LHFPL2: variants seen among roughly 807,000 people sequenced by gnomAD.
The protein encoded by LHFPL2 is LHFPL tetraspan subfamily member 2 protein.
A neutral mutation model predicts 17.5 loss-of-function variants in LHFPL2; 7 were observed. That is an observed-to-expected ratio of 0.40 (90% CI 0.23 to 0.75). The LOEUF (loss-of-function observed/expected upper bound fraction) is 0.75, where lower values mean the gene tolerates loss of function less well. LHFPL2 is among the 30% of genes least tolerant of loss of function. LHFPL2 has a pLI of 0.37. For synonymous variants in LHFPL2, 134 were observed against 116.2 expected, an observed-to-expected ratio of 1.15 and a Z score of -0.99; for missense variants, 241 against 294.8, an observed-to-expected ratio of 0.82 and a Z score of 1.34.
intron 3 of LHFPL2, among the ~76,000 whole-genome samples, chr5:78,536,157 T>TG (rs1446721828): frequency 6.6e-6 from 1 of 150,698 alleles, no homozygotes; most frequent in African/African-American, 2.4e-5. Context: ...CCATGGAGAG[T>TG]GGGGGGATCA....
At chr5:78,505,603 AG>A (rs2112313558) in intron 4 of LHFPL2, among the ~76,000 whole-genome samples, 1 of 152,350 alleles carries the variant, frequency 6.6e-6, no homozygotes, top group East Asian at 1.9e-4. Context: ...CAACACAGGC[AG>A]GCTCTTAAGG....
At chr5:78,576,033 C>T (rs1206124526) in intron 2 of LHFPL2, among the ~76,000 whole-genome samples, 3 of 152,156 alleles carry the variant, frequency 2.0e-5, no homozygotes, top group Non-Finnish European at 4.4e-5. Flanking sequence ...CAGTGGCTCA[C>T]GCCTGTAATC....
At chr5:78,602,831 G>C (rs1471281805) in intron 2 of LHFPL2, among the ~76,000 whole-genome samples, 1 of 152,060 alleles carries the variant, frequency 6.6e-6, no homozygotes, top group Admixed American at 6.6e-5. Context: ...TCACTTCATA[G>C]CAATTATCTT....
intron 3 of LHFPL2, among the ~76,000 whole-genome samples, chr5:78,518,775 T>C (rs917760362): frequency 6.6e-6 from 1 of 152,208 alleles, no homozygotes; most frequent in African/African-American, 2.4e-5. Context: ...TTAAAAAGTC[T>C]GAACTCTTGT....
intron 1 of LHFPL2, among the ~76,000 whole-genome samples, chr5:78,636,940 G>C (rs1346652523): frequency 6.6e-6 from 1 of 152,064 alleles, no homozygotes; most frequent in Non-Finnish European, 1.5e-5. Flanking sequence ...CCCTTCACAA[G>C]CAAGTATCTA....
chr5:78,527,231 TG>T (rs1755644536), intron 3 of LHFPL2, among the ~76,000 whole-genome samples: 1 of 152,140 alleles, frequency 6.6e-6, no homozygotes, highest in African/African-American at 2.4e-5. Context: ...AAGATTAACA[TG>T]GGGCCAAACG....
chr5:78,495,851 G>C (rs2112295752), intron 4 of LHFPL2, among the ~76,000 whole-genome samples: 1 of 152,282 alleles, frequency 6.6e-6, no homozygotes, highest in East Asian at 1.9e-4. Context: ...GCCATGGCTG[G>C]GTTATAGGAG....
At chr5:78,536,030 T>G (rs1272421807) in intron 3 of LHFPL2, among the ~76,000 whole-genome samples, 1 of 152,154 alleles carries the variant, frequency 6.6e-6, no homozygotes, top group African/African-American at 2.4e-5. Flanking sequence ...CTTTCTTCTA[T>G]GAAGACCACC....
In LHFPL2 at chr5:78,612,627, A is replaced by G. The variant is rs552348088; in HGVS notation, c.-245+19637T>C. 2.6e-5 allele frequency among the ~76,000 whole-genome samples: 4 copies of G among 152,380 alleles called. No homozygotes were observed. The East Asian group carries it at 7.7e-4, about 29-fold the overall frequency. ...ATTTGGCTGAAAGAGTAAACTAATA[A>G]GCAGTCAACTACCTACCCATGGCAC... On this transcript the variant is annotated intron_variant, in intron 2 of 4. Transcript: ENST00000380345.
At chr5:78,493,882 TG>T (rs1754526004) in intron 4 of LHFPL2, among the ~76,000 whole-genome samples, 1 of 152,208 alleles carries the variant, frequency 6.6e-6, no homozygotes, top group Non-Finnish European at 1.5e-5. Context: ...CGAAGTTTGC[TG>T]GAGACTTGGA....
intron 3 of LHFPL2, among the ~76,000 whole-genome samples, chr5:78,553,023 T>C (rs748423503): frequency 3.3e-5 from 5 of 152,208 alleles, no homozygotes; most frequent in Non-Finnish European, 7.3e-5. Context: ...GAAATCTGGA[T>C]GTGAGTCAAC....
chr5:78,620,905 C>T (rs1744828596), intron 2 of LHFPL2, among the ~76,000 whole-genome samples: 1 of 151,860 alleles, frequency 6.6e-6, no homozygotes, highest in Non-Finnish European at 1.5e-5. Flanking sequence ...GCCGTGGCTC[C>T]AGTGAAATAT....
intron 2 of LHFPL2, among the ~76,000 whole-genome samples, chr5:78,595,373 AG>A (rs1349842264): frequency 6.6e-6 from 1 of 152,234 alleles, no homozygotes; most frequent in East Asian, 1.9e-4. Context: ...CAGTGCTTAA[AG>A]GCAACCCTCA....
At chr5:78,607,342 A>G (rs1744253858) in intron 2 of LHFPL2, among the ~76,000 whole-genome samples, 1 of 151,958 alleles carries the variant, frequency 6.6e-6, no homozygotes. Context: ...TGAACTCCTG[A>G]CCTCAAGTGA....
intron 2 of LHFPL2, among the ~76,000 whole-genome samples, chr5:78,611,396 T>C (rs1744419067): frequency 6.6e-6 from 1 of 152,222 alleles, no homozygotes; most frequent in Non-Finnish European, 1.5e-5. Context: ...CTCAGTGTCA[T>C]CTTCTGACCC....
chr5:78,643,110 G>A (rs1206574633), intron 1 of LHFPL2, among the ~76,000 whole-genome samples: 1 of 152,118 alleles, frequency 6.6e-6, no homozygotes, highest in Non-Finnish European at 1.5e-5. Context: ...CCTTCGCTCA[G>A]TGCTCAAGAC....
At chr5:78,544,963 G>A (rs1756227208) in intron 3 of LHFPL2, among the ~76,000 whole-genome samples, 1 of 152,042 alleles carries the variant, frequency 6.6e-6, no homozygotes, top group African/African-American at 2.4e-5. Flanking sequence ...GTAATCCCAA[G>A]TGGAGAGTGC....
Position 78,648,619 on chromosome 5 carries a change from GGCGGGAGGAGAGCGAGAGGAGA to G in LHFPL2, c.-492_-471del, listed in dbSNP as rs977415062. The G allele has an allele frequency of 6.6e-6, 1 of 152,228 alleles. No homozygotes were observed. The highest frequency in any genetic ancestry group is 2.4e-5 in the African/African-American group (1 of 41,446). 9.4% of individuals were successfully genotyped at this position (152,228 alleles called of 1,614,324 possible). On this transcript the variant is annotated 5_prime_UTR_variant, in exon 1 of 5. Transcript: ENST00000380345. The surrounding 1 kb of genome is among the most constrained non-coding windows in gnomAD (Gnocchi z 5.4). The stretch of plus-strand genomic sequence containing the variant: ...CCGCTGGCCGCGCCTGGAAGAAGGA[GGCGGGAGGAGAGCGAGAGGAGA>G]GCGGGAGGAGGCGGCGGGAGAGGGG...
chr5:78,562,074 G>A (rs1451955443), intron 3 of LHFPL2, among the ~76,000 whole-genome samples: 2 of 152,186 alleles, frequency 1.3e-5, no homozygotes, highest in African/African-American at 4.8e-5. Flanking sequence ...CAACCCCTCA[G>A]ACTCCACATG....
Sources: gnomAD v4.1 joint callset for allele counts (sites outside exome capture counted in the v4.1 genomes callset) on GRCh38, gnomAD v4.1.1 for gene constraint, Gnocchi (gnomAD v3.1) non-coding constraint, MANE v1.5 for transcripts, NCBI Gene and HGNC (gene_info 2026-07-23, HGNC 2026-07-21) for gene names.